The following GNA15 variants were observed in gnomAD, a reference collection of about 807,000 sequenced individuals.
The protein encoded by GNA15 is guanine nucleotide-binding protein subunit alpha-15.
In GNA15, 23 loss-of-function variants were observed where a neutral mutation model predicts 40.1. The observed-to-expected ratio is 0.57, with a 90% CI of 0.41 to 0.81. The LOEUF is 0.81. Among genes scored for constraint, GNA15 ranks in the 40% least tolerant of loss-of-function variants. GNA15 has a pLI of 0.00. For synonymous variants in GNA15, 226 were observed against 210.4 expected (o/e 1.07, Z -0.64); for missense variants, 522 against 515.8 (o/e 1.01, Z -0.12).
At chr19:3,138,353 C>T (rs1180084495) in intron 1 of GNA15, among the ~76,000 whole-genome samples, 1 of 56,248 alleles carries the variant, frequency 1.8e-5, no homozygotes, top group African/African-American at 8.0e-5. Context: ...CTGATTATGG[C>T]CCCGTTGGCC....
In GNA15 at chr19:3,151,280, CT is replaced by C. The variant is rs1914876328; in HGVS notation, c.486-426del. Reference sequence around the variant, plus strand: ...TAAAGTGACCCTGTTTTAGGGGGGACTCTGTTCCAGGGGAGACCCTGTTCTG... The same window carrying C: ...TAAAGTGACCCTGTTTTAGGGGGGACCTGTTCCAGGGGAGACCCTGTTCTG... On this transcript the variant is annotated intron_variant, in intron 3 of 6. Coordinates refer to ENST00000262958, the MANE Select transcript of GNA15 (RefSeq NM_002068.4). This position sits in a 1 kb window ranked among gnomAD's most constrained non-coding sequence, Gnocchi z 5.0. Among the ~76,000 whole-genome samples the C allele has an allele frequency of 6.6e-6, 1 of 151,976 alleles. No individual in the cohort carries two copies. Among genetic ancestry groups the C allele is most frequent in the African/African-American group, 2.4e-5 (1 of 41,364 alleles).
At chr19:3,160,233 T>C (rs561047171) in intron 6 of GNA15, among the ~76,000 whole-genome samples, 1 of 146,034 alleles carries the variant, frequency 6.8e-6, no homozygotes, top group South Asian at 2.2e-4. Flanking sequence ...CTTGGTGCTC[T>C]TGGCACTCTT....
intron 4 of GNA15, among the ~76,000 whole-genome samples, chr19:3,154,348 G>A (rs1163474448): frequency 7.5e-6 from 1 of 134,040 alleles, no homozygotes; most frequent in Admixed American, 7.8e-5. Flanking sequence ...CGGATGAATG[G>A]ATGAATGGGT....
chr19:3,157,295 G>A (rs574502151), intron 5 of GNA15, among the ~76,000 whole-genome samples: 3 of 152,272 alleles, frequency 2.0e-5, no homozygotes, highest in African/African-American at 7.2e-5. Context: ...TGCCGCGCCC[G>A]GCCAGGTCTC....
chr19:3,147,178 CTA>C (rs1914744357), intron 1 of GNA15, among the ~76,000 whole-genome samples: 1 of 152,146 alleles, frequency 6.6e-6, no homozygotes, highest in Non-Finnish European at 1.5e-5. Context: ...CCTATTTATC[CTA>C]TGTTATTTCT....
chr19:3,153,271 A>G (rs1250614656), intron 4 of GNA15, among the ~76,000 whole-genome samples: 1 of 151,236 alleles, frequency 6.6e-6, no homozygotes, highest in Non-Finnish European at 1.5e-5. Context: ...AAAAAAAAAA[A>G]AGGAAAGATG....
chr19:3,138,846 G>T (rs1385240469), intron 1 of GNA15, among the ~76,000 whole-genome samples: 1 of 150,064 alleles, frequency 6.7e-6, no homozygotes, highest in Non-Finnish European at 1.5e-5. Flanking sequence ...CACCATGTTG[G>T]CCAGGCTGGT....
chr19:3,154,197 A>G, intron 4 of GNA15, among the ~76,000 whole-genome samples: 1 of 138,180 alleles, frequency 7.2e-6, no homozygotes, highest in African/African-American at 2.7e-5. Context: ...GAATGGGTGG[A>G]TGGATGGGTG....
chr19:3,148,693 A>G lies in GNA15; in HGVS notation c.248A>G (p.Tyr83Cys). The G allele has an allele frequency of 1.2e-6, 2 of 1,600,632 alleles. No individual in the cohort carries two copies. The highest frequency in any genetic ancestry group is 1.7e-6 in the Non-Finnish European group (2 of 1,174,156). The change falls in exon 2 of 7, where the codon TAC (tyrosine) becomes TGC (cysteine). Residue 83 changes from tyrosine to cysteine, a missense_variant. Physicochemically the swap from Tyr to Cys is radical, Grantham distance 194. Transcript: ENST00000262958. ...EERKGFRPLVYQNIFVSMRAM... is the reference protein window; with the variant it reads ...EERKGFRPLVCQNIFVSMRAM... ...CGCAAGGGCTTCCGGCCCCTGGTCT[A>G]CCAGAACATCTTCGTGTCCATGCGG...
chr19:3,153,701 GGGATGGATGAAT>G lies in GNA15; in HGVS notation c.614+1881_614+1892del, dbSNP rs1301710071. Among the ~76,000 whole-genome samples the G allele has an allele frequency of 5.9e-3, 870 of 147,922 alleles. 9 individuals carry two copies. The highest frequency in any genetic ancestry group is 0.021 in the African/African-American group (828 of 39,930). ...TGAGTGGATAGATGGATGGGTGGGT[GGGATGGATGAAT>G]GGATGGATGAATGGGTGGGTGAATG... On this transcript the variant is annotated intron_variant, in intron 4 of 6. Coordinates refer to ENST00000262958, the MANE Select transcript of GNA15 (RefSeq NM_002068.4).
In GNA15 at chr19:3,142,691, G is replaced by A. The variant is rs554774451; in HGVS notation, c.146-5900G>A. On this transcript the variant is annotated intron_variant, in intron 1 of 6. Transcript: ENST00000262958. Reference sequence around the variant, plus strand: ...GTTCAAGACCAGTCTGGCCAACATGGTGAAACCTCGTCTCTACTAAAAACA... The same window carrying A: ...GTTCAAGACCAGTCTGGCCAACATGATGAAACCTCGTCTCTACTAAAAACA... Among the ~76,000 whole-genome samples, 4 of 152,132 alleles carry A rather than the reference G, an allele frequency of 2.6e-5. No homozygotes were observed. The South Asian group carries it at 8.3e-4, about 32-fold the overall frequency.
In GNA15 at chr19:3,156,057, C is replaced by G. The variant is rs528294120; in HGVS notation, c.744+105C>G. 3.1e-5 allele frequency: 33 copies of G among 1,061,410 alleles called. No individual in the cohort carries two copies. The African/African-American group carries it at 4.7e-4, about 15-fold the overall frequency. The allele number at this position is 1,061,410 out of a possible 1,614,324, so 65.7% of individuals were successfully genotyped here. On this transcript the variant is annotated intron_variant, in intron 5 of 6. Coordinates refer to ENST00000262958, the MANE Select transcript of GNA15 (RefSeq NM_002068.4). ...GGAGGGATCCCTGCTCTTGAACGGG[C>G]CTGTGTGTGCCCAGCATGGCTATGA...
chr19:3,163,108 T>G lies in GNA15; in HGVS notation c.*89T>G. 1.1e-5 allele frequency: 9 copies of G among 818,368 alleles called. No homozygotes were observed. The highest frequency in any genetic ancestry group is 1.4e-5 in the Non-Finnish European group (7 of 489,726). 50.7% of individuals were successfully genotyped at this position (818,368 alleles called of 1,614,324 possible). On this transcript the variant is annotated 3_prime_UTR_variant, in exon 7 of 7. Coordinates refer to ENST00000262958, the MANE Select transcript of GNA15 (RefSeq NM_002068.4). Reference sequence around the variant, plus strand: ...ACCCCTAGTGTCCCTGGTCTATCTCTCCAGCCTCGGCCCACACGCAAGGGA... The same window carrying G: ...ACCCCTAGTGTCCCTGGTCTATCTCGCCAGCCTCGGCCCACACGCAAGGGA...
intron 1 of GNA15, chr19:3,142,275 G>A (rs78589526): frequency 0.028 from 4,286 of 152,324 alleles, 158 homozygotes; most frequent in East Asian, 0.18. Context: ...TGGGGGTCGG[G>A]GGGCAATGGA....
chr19:3,156,233 A>G (rs1915014576), intron 5 of GNA15, among the ~76,000 whole-genome samples: 2 of 38,756 alleles, frequency 5.2e-5, no homozygotes. Context: ...TACACAATGC[A>G]TGCACACAAA....
chr19:3,153,884 A>G (rs978321135), intron 4 of GNA15, among the ~76,000 whole-genome samples: 3 of 137,874 alleles, frequency 2.2e-5, no homozygotes, highest in Admixed American at 7.2e-5. Context: ...TGAATGGATG[A>G]GTGGATGGGG....
Position 3,151,164 on chromosome 19 carries a change from C to A in GNA15, c.486-543C>A, listed in dbSNP as rs1914873053. On this transcript the variant is annotated intron_variant, in intron 3 of 6. Transcript: ENST00000262958. This position sits in a 1 kb window ranked among gnomAD's most constrained non-coding sequence, Gnocchi z 5.0. Reference sequence around the variant, plus strand: ...GAGTGCCCCTGTTTTAGAAGGGACCCTTTTCTGGGAGTGACCCTGTTTCTG... The same window carrying A: ...GAGTGCCCCTGTTTTAGAAGGGACCATTTTCTGGGAGTGACCCTGTTTCTG... Among the ~76,000 whole-genome samples the A allele has an allele frequency of 6.7e-6, 1 of 149,256 alleles. No homozygotes were observed. The highest frequency in any genetic ancestry group is 2.5e-5 in the African/African-American group (1 of 40,288).
At chr19:3,159,191 G>A (rs4807415) in intron 6 of GNA15, among the ~76,000 whole-genome samples, 90,725 of 151,016 alleles carry the variant, frequency 0.6, 27,563 homozygotes, top group East Asian at 0.73. Context: ...CGTCTGGCTA[G>A]TTTTTTGTAT....
intron 4 of GNA15, among the ~76,000 whole-genome samples, chr19:3,152,157 A>G (rs1457863779): frequency 6.6e-6 from 1 of 152,186 alleles, no homozygotes. Context: ...AGGAGGAAAT[A>G]GAGACTATAC....
Sources: allele counts gnomAD v4.1 joint callset (sites outside exome capture counted in the v4.1 genomes callset), GRCh38; gene constraint gnomAD v4.1.1; non-coding constraint Gnocchi (gnomAD v3.1); transcripts MANE v1.5; gene names NCBI Gene and HGNC (gene_info 2026-07-23, HGNC 2026-07-21).